The following ZNF326 variants were observed in gnomAD, a reference collection of about 807,000 sequenced individuals.
ZNF326 encodes DBIRD complex subunit ZNF326.
Under a neutral mutation model 63.1 loss-of-function variants are expected in ZNF326, and 30 were observed. The ratio of observed to expected loss-of-function variants is 0.48; its 90% CI spans 0.36 to 0.64. The LOEUF (loss-of-function observed/expected upper bound fraction) is 0.64. ZNF326 is among the 30% of genes least tolerant of loss of function. The pLI is 0.00. For synonymous variants in ZNF326, 194 were observed against 228.2 expected (o/e 0.85, Z 1.35); for missense variants, 609 against 720.3 (o/e 0.85, Z 1.77).
In ZNF326 at chr1:89,995,183, C is replaced by T; in HGVS notation, c.-75C>T. On this transcript the variant is annotated 5_prime_UTR_variant, in exon 1 of 12. Coordinates refer to ENST00000340281, the MANE Select transcript of ZNF326 (RefSeq NM_182976.4). ...GTCGCGCGGAGTGATCGTGTGGAAT[C>T]GCGGGTCGCGGACGCTCGCCGCCGG... is the stretch of plus-strand genomic sequence containing the variant. 3 of 1,495,912 alleles carry T rather than the reference C, an allele frequency of 2.0e-6. No homozygotes were observed. The highest frequency in any genetic ancestry group is 2.0e-5 in the Admixed American group (1 of 48,870). The allele number at this position is 1,495,912 out of a possible 1,614,324, so 92.7% of individuals were successfully genotyped here.
At chr1:90,004,973 A>G in intron 2 of ZNF326, 30 bp from the exon 3 acceptor site, 2 of 1,599,602 alleles carry the variant, frequency 1.3e-6, no homozygotes, top group African/African-American at 1.3e-5. Context: ...GGTGTATTTT[A>G]CTGACAATTT....
At position 90,029,104 on chromosome 1, in the gene ZNF326, T is replaced by C. The variant is rs1014219926; in HGVS notation, c.*1403T>C. The C allele has an allele frequency of 1.3e-5, 2 of 152,174 alleles. No individual in the cohort carries two copies. Among genetic ancestry groups the C allele is most frequent in the Non-Finnish European group, 2.9e-5 (2 of 68,042 alleles). The allele number at this position is 152,174 out of a possible 1,614,324, so 9.4% of individuals were successfully genotyped here. ...CAGGTGTGAGCCACCATGCCTGGCA[T>C]AGGGGGCTGTATTTCAGTGAAATTA... On this transcript the variant is annotated 3_prime_UTR_variant, in exon 12 of 12. Transcript: ENST00000340281.
chr1:90,029,458 C>T lies in ZNF326; in HGVS notation c.*1757C>T, dbSNP rs1261157384. On this transcript the variant is annotated 3_prime_UTR_variant, in exon 12 of 12. Coordinates refer to ENST00000340281, the MANE Select transcript of ZNF326 (RefSeq NM_182976.4). ...ATTTACTTAGCAGGCTTTTGAAAGC[C>T]GTTTTGCTTAGGAGTTCAAATTTTA... 6.6e-6 allele frequency: 1 copy of T among 151,922 alleles called. No homozygotes were observed. Among genetic ancestry groups the T allele is most frequent in the Non-Finnish European group, 1.5e-5 (1 of 68,008 alleles). The allele number at this position is 151,922 out of a possible 1,614,324, so 9.4% of individuals were successfully genotyped here. A position where few individuals can be genotyped will look rare whatever the true frequency, so the allele number is the denominator to read the frequency against.
At chr1:89,996,103 A>G (rs1196318801) in intron 1 of ZNF326, among the ~76,000 whole-genome samples, 1 of 152,234 alleles carries the variant, frequency 6.6e-6, no homozygotes, top group Non-Finnish European at 1.5e-5. Flanking sequence ...TCTTTAAACC[A>G]CTTTTACAGG....
At chr1:90,013,318 A>G in intron 7 of ZNF326, 81 bp downstream of exon 7, 4 of 1,093,366 alleles carry the variant, frequency 3.7e-6, no homozygotes, top group Non-Finnish European at 5.0e-6. Context: ...GTAATATTAA[A>G]AAGTTCTTAA....
At position 90,013,760 on chromosome 1, in the gene ZNF326, A is replaced by G. The variant is rs1220334867; in HGVS notation, c.926+523A>G. On this transcript the variant is annotated intron_variant, in intron 7 of 11. Transcript: ENST00000340281. Reference sequence around the variant, plus strand: ...GAATGTAATATTTAATAAAGAGGATATTAGAAATAAGAGGGGAATTGGGCT... The same window carrying G: ...GAATGTAATATTTAATAAAGAGGATGTTAGAAATAAGAGGGGAATTGGGCT... Among the ~76,000 whole-genome samples, 3 of 152,182 alleles carry G rather than the reference A, an allele frequency of 2.0e-5. No individual in the cohort carries two copies. In the East Asian group the frequency reaches 5.8e-4, roughly 29 times the overall value.
Position 90,032,991 on chromosome 1 carries a change from T to C in ZNF326, c.*5290T>C, listed in dbSNP as rs1326586289. 1 of 152,332 alleles carries C rather than the reference T, an allele frequency of 6.6e-6. No individual in the cohort carries two copies. The highest frequency in any genetic ancestry group is 1.9e-4 in the East Asian group (1 of 5,190). The allele number at this position is 152,332 out of a possible 1,614,324, so 9.4% of individuals were successfully genotyped here. On this transcript the variant is annotated 3_prime_UTR_variant, in exon 12 of 12. Transcript: ENST00000340281. ...AAGAAAAATCTGCCAGCTGTCTATT[T>C]CCCAATTTTCCTTCTGACTGTTCCT...
intron 2 of ZNF326, among the ~76,000 whole-genome samples, chr1:89,999,241 G>T (rs1350198322): frequency 1.3e-5 from 2 of 152,020 alleles, no homozygotes; most frequent in Non-Finnish European, 2.9e-5. Flanking sequence ...AGCAGAACTT[G>T]CAGGCTGACT....
intron 8 of ZNF326, among the ~76,000 whole-genome samples, chr1:90,018,153 G>A (rs146767451): frequency 0.014 from 2,159 of 152,084 alleles, 51 homozygotes; most frequent in African/African-American, 0.049. Context: ...TTAGCCAGGC[G>A]TGGTGGCGCG....
intron 2 of ZNF326, among the ~76,000 whole-genome samples, chr1:90,001,867 G>T (rs550567060): frequency 1.7e-4 from 26 of 151,960 alleles, no homozygotes; most frequent in African/African-American, 5.5e-4. Context: ...CCATAGGTCA[G>T]TTTTTTTTCC....
rs749996454 is a variant in ZNF326, at chr1:90,018,686, A to T, written c.1076A>T (p.Glu359Val). The T allele has an allele frequency of 6.4e-7, 1 of 1,562,284 alleles. No homozygotes were observed. The highest frequency in any genetic ancestry group is 2.3e-5 in the East Asian group (1 of 43,164). ...GATTCTTTCTATTTTGTTTTCTAGG[A>T]GTGTATGGTGAATAAATTCAAGAAA... is the stretch of plus-strand genomic sequence containing the variant. ...FDKVVMEFLH[E>V]CMVNKFKKTS... Residue 359 changes from glutamate to valine, a missense_variant and splice_region_variant, in exon 9 of 12, where the codon GAG becomes GTG. Coordinates refer to ENST00000340281, the MANE Select transcript of ZNF326 (RefSeq NM_182976.4).
chr1:90,001,338 A>G (rs1413857581), intron 2 of ZNF326, among the ~76,000 whole-genome samples: 1 of 152,328 alleles, frequency 6.6e-6, no homozygotes, highest in East Asian at 1.9e-4. Flanking sequence ...ATTGAACTTA[A>G]CATTTTGTCA....
At chr1:90,008,763 C>T (rs374265081) in intron 5 of ZNF326, among the ~76,000 whole-genome samples, 6 of 152,118 alleles carry the variant, frequency 3.9e-5, no homozygotes, top group African/African-American at 1.2e-4. Flanking sequence ...GTCAGTGTAG[C>T]TTGTTATACT....
At position 89,995,189 on chromosome 1, in the gene ZNF326, TCGCGGACGCTCGCCGC is replaced by T; in HGVS notation, c.-66_-51del. The T allele has an allele frequency of 1.3e-6, 2 of 1,511,196 alleles. No individual in the cohort carries two copies. The highest frequency in any genetic ancestry group is 1.8e-6 in the Non-Finnish European group (2 of 1,130,836). The allele number at this position is 1,511,196 out of a possible 1,614,324, so 93.6% of individuals were successfully genotyped here. ...CGGAGTGATCGTGTGGAATCGCGGG[TCGCGGACGCTCGCCGC>T]CGGCCATAGCTCAGCCTAGCGCCGC... On this transcript the variant is annotated 5_prime_UTR_variant, in exon 1 of 12. Coordinates refer to ENST00000340281, the MANE Select transcript of ZNF326 (RefSeq NM_182976.4).
chr1:90,012,494 G>A (rs1557522565), intron 6 of ZNF326, among the ~76,000 whole-genome samples: 1 of 152,158 alleles, frequency 6.6e-6, no homozygotes, highest in African/African-American at 2.4e-5. Flanking sequence ...GAACAGTTCT[G>A]TAACTAGATA....
chr1:90,011,516 G>GTT (rs11317576), intron 6 of ZNF326, among the ~76,000 whole-genome samples: 171 of 126,730 alleles, frequency 1.3e-3, no homozygotes, highest in African/African-American at 4.6e-3. Flanking sequence ...AAATAGTTAA[G>GTT]TTTTTTTTTT....
Position 90,027,752 on chromosome 1 carries a change from A to C in ZNF326, c.*51A>C. The C allele has an allele frequency of 6.4e-7, 1 of 1,566,726 alleles. No homozygotes were observed. Among genetic ancestry groups the C allele is most frequent in the Non-Finnish European group, 8.7e-7 (1 of 1,143,580 alleles). On this transcript the variant is annotated 3_prime_UTR_variant, in exon 12 of 12. Coordinates refer to ENST00000340281, the MANE Select transcript of ZNF326 (RefSeq NM_182976.4). ...GCTTTACATTTCGGTTCTAATGTAA[A>C]AAAGGGTAAGAAATTTAATAGCTTA...
chr1:90,012,176 A>C (rs1009974922), intron 6 of ZNF326, among the ~76,000 whole-genome samples: 2 of 152,224 alleles, frequency 1.3e-5, no homozygotes, highest in Non-Finnish European at 2.9e-5. Context: ...AGCATTATTC[A>C]TAATTGCCAA....
At chr1:90,018,863 C>G (rs1446269310) in intron 9 of ZNF326, 79 bp downstream of exon 9, 23 of 783,966 alleles carry the variant, frequency 2.9e-5, no homozygotes, top group Non-Finnish European at 4.5e-5. Context: ...TAAATGATAG[C>G]CACTAGAGTG....
Sources: allele counts gnomAD v4.1 joint callset (sites outside exome capture counted in the v4.1 genomes callset), GRCh38; gene constraint gnomAD v4.1.1; transcripts MANE v1.5; gene names NCBI Gene and HGNC (gene_info 2026-07-23, HGNC 2026-07-21).